The following PNKD variants were observed in gnomAD, a reference collection of about 807,000 sequenced individuals.
PNKD encodes the protein PNKD metallo-beta-lactamase domain containing, also known as probable thioesterase PNKD.
In PNKD, 36 loss-of-function variants were observed where a neutral mutation model predicts 45.3. The observed-to-expected ratio is 0.80, with a 90% CI of 0.61 to 1.05. PNKD has a LOEUF of 1.05. Among genes scored for constraint, PNKD ranks in the 50% least tolerant of loss-of-function variants. The pLI is 0.00. For synonymous variants in PNKD, 197 were observed against 210.1 expected, an observed-to-expected ratio of 0.94 and a Z score of 0.54; for missense variants, 511 against 506.6, an observed-to-expected ratio of 1.01 and a Z score of -0.08.
At chr2:218,312,425 C>T (rs10932772) in intron 2 of PNKD, among the ~76,000 whole-genome samples, 80,409 of 151,876 alleles carry the variant, frequency 0.53, 22,305 homozygotes, top group South Asian at 0.64. Context: ...AAGCAAGATC[C>T]ACCCATCAGG....
chr2:218,293,314 C>T (rs1361353668), intron 2 of PNKD, among the ~76,000 whole-genome samples: 2 of 152,324 alleles, frequency 1.3e-5, no homozygotes, highest in Non-Finnish European at 2.9e-5. Flanking sequence ...GGCATGGTGA[C>T]TCACACCTGC....
chr2:218,313,903 C>CTTTTTTTTTT (rs10550174), intron 2 of PNKD, among the ~76,000 whole-genome samples: 2 of 77,722 alleles, frequency 2.6e-5, no homozygotes, highest in African/African-American at 3.9e-5. Context: ...TTCTTTATTT[C>CTTTTTTTTTT]TTTTTTTTTT....
chr2:218,331,293 C>G (rs1322676729), intron 2 of PNKD, among the ~76,000 whole-genome samples: 2 of 151,866 alleles, frequency 1.3e-5, no homozygotes, highest in Admixed American at 6.6e-5. Flanking sequence ...GTAATCCCAG[C>G]TACTTCGGGA....
chr2:218,307,274 G>T (rs57837884), intron 2 of PNKD, among the ~76,000 whole-genome samples: 1 of 151,914 alleles, frequency 6.6e-6, no homozygotes, highest in South Asian at 2.1e-4. Context: ...TGATTCAAGC[G>T]CATTACATTT....
intron 2 of PNKD, among the ~76,000 whole-genome samples, chr2:218,329,176 T>TCCAG (rs1057230532): frequency 1.3e-5 from 2 of 151,908 alleles, no homozygotes; most frequent in African/African-American, 2.4e-5. Flanking sequence ...GCCACTGCAC[T>TCCAG]CCAGCCTGGA....
Position 218,324,997 on chromosome 2 carries a change from C to CTTTTTTTTTT in PNKD, c.237-14767_237-14758dup, listed in dbSNP as rs1167758595. 4.8e-5 allele frequency among the ~76,000 whole-genome samples: 3 copies of CTTTTTTTTTT among 62,660 alleles called. 1 individual carries two copies. The highest frequency in any genetic ancestry group is 2.0e-4 in the African/African-American group (3 of 14,862). The allele number at this position is 62,660 out of a possible 152,430, so 41.1% of individuals were successfully genotyped here. ...AACATGAAGGTATCTAAATAATTTTCTTTTTTTTTTTTTTTTTTTTTTTTT... is the reference window on the plus strand; with the variant it reads ...AACATGAAGGTATCTAAATAATTTTCTTTTTTTTTTTTTTTTTTTTTTTTTTTTTTTTTTT... On this transcript the variant is annotated intron_variant, in intron 2 of 9. Transcript: ENST00000273077.
At chr2:218,275,126 C>T (rs1244295861) in intron 2 of PNKD, 1 of 178,072 alleles carries the variant, frequency 5.6e-6, no homozygotes, top group Non-Finnish European at 1.2e-5. Flanking sequence ...TCACTTCTAC[C>T]TTTCATATTC....
At chr2:218,344,594 G>A (rs1268959047) in intron 9 of PNKD, 24 bp downstream of exon 9, 1 of 1,572,444 alleles carries the variant, frequency 6.4e-7, no homozygotes, top group Non-Finnish European at 8.7e-7. Flanking sequence ...GGTCCAGGAG[G>A]AGCTGTGTGG....
intron 2 of PNKD, among the ~76,000 whole-genome samples, chr2:218,332,142 G>T (rs1231451290): frequency 6.6e-6 from 1 of 152,268 alleles, no homozygotes; most frequent in East Asian, 1.9e-4. Flanking sequence ...AGCAAAATGC[G>T]GCGCTTTAGG....
intron 2 of PNKD, among the ~76,000 whole-genome samples, chr2:218,315,141 C>T (rs1693774748): frequency 1.5e-5 from 2 of 137,796 alleles, no homozygotes; most frequent in Admixed American, 1.5e-4. Context: ...TTCTTTCTTT[C>T]TTTCTTCTTT....
At position 218,340,193 on chromosome 2, in the gene PNKD, C is replaced by A; in HGVS notation, c.465+52C>A. On this transcript the variant is annotated intron_variant, in intron 4 of 9. Transcript: ENST00000273077. This position sits in a 1 kb window ranked among gnomAD's most constrained non-coding sequence, Gnocchi z 4.2. ...TGCCTGGAGTCACCTTGGGGACTGG[C>A]AGTTTCGCCTTGCTAGAGAGGGCTG... The A allele has an allele frequency of 8.8e-7, 1 of 1,133,720 alleles. No homozygotes were observed. The highest frequency in any genetic ancestry group is 1.3e-6 in the Non-Finnish European group (1 of 747,322). The allele number at this position is 1,133,720 out of a possible 1,614,324, so 70.2% of individuals were successfully genotyped here. A position where few individuals can be genotyped will look rare whatever the true frequency, so the allele number is the denominator to read the frequency against.
intron 2 of PNKD, among the ~76,000 whole-genome samples, chr2:218,319,562 G>T (rs1253294106): frequency 6.6e-6 from 1 of 151,734 alleles, no homozygotes; most frequent in East Asian, 1.9e-4. Context: ...CTTTAGTAGA[G>T]ACAGGGTTTC....
At chr2:218,342,624 C>A (rs895083961) in intron 7 of PNKD, among the ~76,000 whole-genome samples, 1 of 151,918 alleles carries the variant, frequency 6.6e-6, no homozygotes, top group Non-Finnish European at 1.5e-5. Context: ...TGCTTGAACC[C>A]GAGAGGTAGA....
intron 2 of PNKD, chr2:218,290,181 G>C (rs1363970521): frequency 6.6e-6 from 1 of 152,214 alleles, no homozygotes; most frequent in East Asian, 1.9e-4. Flanking sequence ...GATGACTCTT[G>C]AGAAACAATC....
intron 2 of PNKD, among the ~76,000 whole-genome samples, chr2:218,335,869 A>G (rs1221445700): frequency 6.6e-6 from 1 of 152,114 alleles, no homozygotes; most frequent in Non-Finnish European, 1.5e-5. Context: ...CTCTCCCCTT[A>G]GGGGTCTGAA....
intron 2 of PNKD, among the ~76,000 whole-genome samples, chr2:218,311,727 A>C (rs10195115): frequency 0.53 from 80,940 of 151,800 alleles, 22,509 homozygotes; most frequent in South Asian, 0.65. Context: ...TTCCCAGGGA[A>C]GAGCAGGAGA....
At chr2:218,278,156 T>G in intron 2 of PNKD, 1 of 656,466 alleles carries the variant, frequency 1.5e-6, no homozygotes, top group Non-Finnish European at 2.6e-6. Flanking sequence ...CATGGGCCAA[T>G]GAGACAGACC....
chr2:218,325,726 T>G (rs886691616), intron 2 of PNKD, among the ~76,000 whole-genome samples: 1 of 152,148 alleles, frequency 6.6e-6, no homozygotes, highest in Non-Finnish European at 1.5e-5. Flanking sequence ...CTCAGAATCT[T>G]GAGGGTGTGG....
intron 2 of PNKD, chr2:218,277,327 G>A (rs1035663488): frequency 2.5e-6 from 4 of 1,588,014 alleles, no homozygotes; most frequent in Non-Finnish European, 3.5e-6. Context: ...ATAAGAAAGG[G>A]GAGTCGGGGG....
Sources: allele counts gnomAD v4.1 joint callset (sites outside exome capture counted in the v4.1 genomes callset), GRCh38; gene constraint gnomAD v4.1.1; non-coding constraint Gnocchi (gnomAD v3.1); transcripts MANE v1.5; gene names NCBI Gene and HGNC (gene_info 2026-07-23, HGNC 2026-07-21).